The following CCDC40 variants were observed in gnomAD, a reference collection of about 807,000 sequenced individuals.
The protein encoded by CCDC40 is coiled-coil domain 40 molecular ruler complex subunit.
Under a neutral mutation model 124.5 loss-of-function variants are expected in CCDC40, and 104 were observed. That is an observed-to-expected ratio of 0.84 (90% CI 0.71 to 0.98). The LOEUF is 0.98. Ranked by LOEUF, CCDC40 falls within the 50% of genes least tolerant of loss-of-function variation. CCDC40 has a pLI of 0.00. For missense variants in CCDC40, 1,463 were observed against 1,503.9 expected (o/e 0.97, Z 0.45); for synonymous variants, 580 against 602.9 (o/e 0.96, Z 0.56).
chr17:80,096,908 G>A (rs1265049759), intron 18 of CCDC40, among the ~76,000 whole-genome samples: 1 of 152,176 alleles, frequency 6.6e-6, no homozygotes, highest in East Asian at 1.9e-4. Context: ...TCCCCAGCCT[G>A]CCTCTCGGCC....
intron 9 of CCDC40, among the ~76,000 whole-genome samples, chr17:80,059,399 G>A (rs1320250139): frequency 6.6e-6 from 1 of 151,878 alleles, no homozygotes; most frequent in Non-Finnish European, 1.5e-5. Flanking sequence ...AGTAGGGAGT[G>A]GAGGGAACGA....
chr17:80,059,184 C>T (rs1006940244), intron 9 of CCDC40, among the ~76,000 whole-genome samples: 1 of 152,210 alleles, frequency 6.6e-6, no homozygotes, highest in Non-Finnish European at 1.5e-5. Context: ...TATTCCTTCC[C>T]TGGCTAGTGG....
intron 12 of CCDC40, among the ~76,000 whole-genome samples, chr17:80,084,396 G>C (rs1279586094): frequency 2.6e-5 from 4 of 152,128 alleles, no homozygotes; most frequent in African/African-American, 9.7e-5. Flanking sequence ...GGGGGTAGCG[G>C]CCCCCATGGT....
In CCDC40 at chr17:80,066,428, C is replaced by A. The variant is rs8064663; in HGVS notation, c.1562+822C>A. ...CATTTTGTTTTTAAAAGTTTTTAGA[C>A]CAAAACATTTTCAAATGAATAATAT... is the stretch of plus-strand genomic sequence containing the variant. On this transcript the variant is annotated intron_variant, in intron 10 of 19. Transcript: ENST00000397545. This position sits in a 1 kb window ranked among gnomAD's most constrained non-coding sequence, Gnocchi z 4.4. The A allele has an allele frequency of 5.5e-3, 2,869 of 525,724 alleles. 70 individuals are homozygous for A. Among genetic ancestry groups the A allele is most frequent in the African/African-American group, 0.051 (2,644 of 51,880 alleles). The allele number at this position is 525,724 out of a possible 1,614,324, so 32.6% of individuals were successfully genotyped here. A position where few individuals can be genotyped will look rare whatever the true frequency, so the allele number is the denominator to read the frequency against.
At position 80,047,396 on chromosome 17, in the gene CCDC40, G is replaced by A. The variant is rs2037453920; in HGVS notation, c.670G>A (p.Glu224Lys). 4.3e-6 allele frequency: 7 copies of A among 1,612,090 alleles called. No homozygotes were observed. The highest frequency in any genetic ancestry group is 5.9e-6 in the Non-Finnish European group (7 of 1,179,410). Reference protein sequence around the residue: ...SSDLEEFVSQEPVIPPGVPDA... With the variant: ...SSDLEEFVSQKPVIPPGVPDA... ...AGACCTGGAGGAGTTCGTCTCGCAG[G>A]AGCCAGGTGCCACCCACCTGCTGAG... The change falls in exon 4 of 20, where the codon GAG becomes AAG. Residue 224 changes from glutamate (E) to lysine (K), a missense_variant. Coordinates refer to ENST00000397545, the MANE Select transcript of CCDC40 (RefSeq NM_017950.4).
At chr17:80,093,345 C>A (rs1230037226) in intron 17 of CCDC40, among the ~76,000 whole-genome samples, 1 of 152,032 alleles carries the variant, frequency 6.6e-6, no homozygotes, top group Non-Finnish European at 1.5e-5. Context: ...CCACACCCAG[C>A]TAATTTTTTG....
In CCDC40 at chr17:80,087,419, GTCCT is replaced by G; in HGVS notation, c.2450-187_2450-184del. 2 of 67,524 alleles carry G rather than the reference GTCCT, an allele frequency of 3.0e-5. No individual in the cohort carries two copies. Among genetic ancestry groups the G allele is most frequent in the Non-Finnish European group, 6.0e-5 (2 of 33,122 alleles). 4.2% of individuals were successfully genotyped at this position (67,524 alleles called of 1,614,324 possible). On this transcript the variant is annotated intron_variant, in intron 14 of 19. Transcript: ENST00000397545. The surrounding 1 kb of genome is among the most constrained non-coding windows in gnomAD (Gnocchi z 4.5). Reference sequence around the variant, plus strand: ...CTTAGCAGCCAAAAAGAGACCCCCTGTCCTCTCCTCTCCTCTGTCCTGGCAGGGA... The same window carrying G: ...CTTAGCAGCCAAAAAGAGACCCCCTGCTCCTCTCCTCTGTCCTGGCAGGGA...
At position 80,095,316 on chromosome 17, in the gene CCDC40, G is replaced by A; in HGVS notation, c.2886G>A (p.Glu962=). ...KQQEKMIRAM[E]LAVARRETVT... is the part of the protein sequence containing the mutation. The stretch of plus-strand genomic sequence containing the variant: ...AGGAGAAGATGATCCGTGCCATGGA[G>A]TTGGCGGTTGCCCGCAGAGAGACCG... The change falls in exon 18 of 20, where the codon GAG becomes GAA. Residue 962 remains glutamate (E), a synonymous_variant. Coordinates refer to ENST00000397545, the MANE Select transcript of CCDC40 (RefSeq NM_017950.4). 1 of 1,614,110 alleles carries A rather than the reference G, an allele frequency of 6.2e-7. No individual in the cohort carries two copies.
At chr17:80,048,326 A>G in intron 4 of CCDC40, 1 of 534,274 alleles carries the variant, frequency 1.9e-6, no homozygotes, top group Non-Finnish European at 3.4e-6. Context: ...CTTTATGTGT[A>G]AAGAAAGCCT....
At chr17:80,046,532 C>CAATAATAAT (rs60431250) in intron 3 of CCDC40, among the ~76,000 whole-genome samples, 11,435 of 147,230 alleles carry the variant, frequency 0.078, 494 homozygotes, top group Non-Finnish European at 0.095. Flanking sequence ...GACCCTTACT[C>CAATAATAAT]AATAATAATA....
chr17:80,067,273 G>A, intron 10 of CCDC40: 1 of 502,260 alleles, frequency 2.0e-6, no homozygotes, highest in Non-Finnish European at 3.6e-6. Flanking sequence ...CCTTTTGGTT[G>A]CAAACATTGT....
intron 17 of CCDC40, chr17:80,091,951 G>C (rs1389473044): frequency 6.6e-6 from 1 of 151,568 alleles, no homozygotes; most frequent in Non-Finnish European, 1.5e-5. Flanking sequence ...TTTTAATTGA[G>C]GTTTTTCAGC....
Position 80,039,854 on chromosome 17 carries a change from G to T in CCDC40, c.136G>T (p.Ala46Ser). ...EKDDGQKGEE[A>S]VGSTEHPEEV... Reference sequence around the variant, plus strand: ...GGATGATGGCCAGAAAGGTGAAGAAGCTGTCGGTAGCACAGAGCATCCTGA... The same window carrying T: ...GGATGATGGCCAGAAAGGTGAAGAATCTGTCGGTAGCACAGAGCATCCTGA... The change falls in exon 3 of 20, where the codon GCT (alanine) becomes TCT (serine). Residue 46 changes from alanine to serine, a missense_variant. Ala to Ser is a moderately conservative substitution (Grantham distance 99, BLOSUM62 1). Transcript: ENST00000397545. 1.9e-6 allele frequency: 3 copies of T among 1,614,002 alleles called. No homozygotes were observed. Among genetic ancestry groups the T allele is most frequent in the Non-Finnish European group, 2.5e-6 (3 of 1,179,982 alleles).
intron 3 of CCDC40, among the ~76,000 whole-genome samples, chr17:80,046,237 C>G (rs1158247627): frequency 6.6e-6 from 1 of 152,142 alleles, no homozygotes; most frequent in Non-Finnish European, 1.5e-5. Context: ...CTCCCCCGCC[C>G]AGGGAATTCA....
chr17:80,068,035 A>G, intron 10 of CCDC40: 2 of 1,014,864 alleles, frequency 2.0e-6, no homozygotes, highest in Non-Finnish European at 1.2e-6. Flanking sequence ...TTTATTTATT[A>G]TATTTTTGTG....
Position 80,097,388 on chromosome 17 carries a change from G to A in CCDC40, c.3165G>A (p.Gly1055=), listed in dbSNP as rs775274581. 1.2e-6 allele frequency: 2 copies of A among 1,613,932 alleles called. No individual in the cohort carries two copies. Among genetic ancestry groups the A allele is most frequent in the South Asian group, 2.2e-5 (2 of 91,088 alleles). Residue 1055 remains glycine, a synonymous_variant, in exon 19 of 20, where the codon GGG becomes GGA. Transcript: ENST00000397545. ...TCGAGGCCGACCTCACCCGGCTTGG[G>A]GCCCTCAAACGACAGGTAAACGTGT... ...DTLEADLTRL[G]ALKRQNLSEI...
In CCDC40 at chr17:80,047,415, T is replaced by C. The variant is rs7212525; in HGVS notation, c.676+13T>C. The C allele has an allele frequency of 0.25, 400,859 of 1,607,888 alleles. 56,670 individuals carry two copies. The highest frequency in any genetic ancestry group is 0.63 in the African/African-American group (47,231 of 74,868). ...TCGCAGGAGCCAGGTGCCACCCACC[T>C]GCTGAGGTCACCCTGCCCTGGCGAT... On this transcript the variant is annotated intron_variant, in intron 4 of 19. Transcript: ENST00000397545.
rs774182199 is a variant in CCDC40, at chr17:80,066,252, C to T, written c.1562+646C>T. ...CCACCCCTTGTGCCCAGCACAGAGC[C>T]TGGCATACAGCAAGCGCTCAAGAAA... On this transcript the variant is annotated intron_variant, in intron 10 of 19. Coordinates refer to ENST00000397545, the MANE Select transcript of CCDC40 (RefSeq NM_017950.4). The surrounding 1 kb of genome is among the most constrained non-coding windows in gnomAD (Gnocchi z 4.4). 45 of 697,080 alleles carry T rather than the reference C, an allele frequency of 6.5e-5. No individual in the cohort carries two copies. Among genetic ancestry groups the T allele is most frequent in the Non-Finnish European group, 1.0e-4 (40 of 381,888 alleles). 43.2% of individuals were successfully genotyped at this position (697,080 alleles called of 1,614,324 possible).
chr17:80,081,486 C>G, intron 10 of CCDC40, 60 bp from the exon 11 acceptor site: 1 of 1,610,942 alleles, frequency 6.2e-7, no homozygotes, highest in Non-Finnish European at 8.5e-7. Context: ...GGGCGCAGCT[C>G]TGTGCACTGG....
Sources: gnomAD v4.1 joint callset for allele counts (sites outside exome capture counted in the v4.1 genomes callset) on GRCh38, gnomAD v4.1.1 for gene constraint, Gnocchi (gnomAD v3.1) non-coding constraint, MANE v1.5 for transcripts, NCBI Gene and HGNC (gene_info 2026-07-23, HGNC 2026-07-21) for gene names.